Variants in CFAP47 observed in about 807,000 individuals in gnomAD.
CFAP47 encodes cilia and flagella associated protein 47, also known as cilia- and flagella-associated protein 47.
A neutral mutation model predicts 148.1 loss-of-function variants in CFAP47; 29 were observed. The ratio of observed to expected loss-of-function variants is 0.20; its 90% confidence interval spans 0.15 to 0.27. The LOEUF (loss-of-function observed/expected upper bound fraction) is 0.27. Among genes scored for constraint, CFAP47 ranks in the 10% least tolerant of loss-of-function variants. The probability of loss-of-function intolerance (pLI) is 1.00; values close to 1 mark genes in which losing one functional copy is unlikely to be tolerated. For synonymous variants in CFAP47, 664 were observed against 577.3 expected (o/e 1.15, Z -2.15); for missense variants, 1,872 against 1,697.5 (o/e 1.10, Z -1.81).
intron 42 of CFAP47, among the ~76,000 whole-genome samples, chrX:36,192,398 T>C (rs1485079124): frequency 1.8e-5 from 2 of 111,500 alleles, no homozygotes; most frequent in Non-Finnish European, 3.8e-5. Flanking sequence ...CAGACCCCTT[T>C]ACAAAGCACA....
chrX:36,348,781 T>C (rs1168884849), intron 58 of CFAP47, among the ~76,000 whole-genome samples: 1 of 111,771 alleles, frequency 8.9e-6, no homozygotes, highest in Non-Finnish European at 1.9e-5. Context: ...AGAATGCAAG[T>C]TACTTGTATC....
chrX:36,243,647 GTATATATATATATATATATATATA>G (rs58640112), intron 48 of CFAP47, among the ~76,000 whole-genome samples: 1,779 of 64,229 alleles, frequency 0.028, 50 homozygotes, highest in African/African-American at 0.07. Context: ...ATATGTGTGT[GTATATATATATATATATATATATA>G]TATATATATA....
intron 28 of CFAP47, among the ~76,000 whole-genome samples, chrX:36,072,835 A>G (rs752717097): frequency 2.7e-5 from 3 of 111,814 alleles, no homozygotes; most frequent in Non-Finnish European, 5.6e-5. Flanking sequence ...CATTTTATTA[A>G]TGTAATAAAA....
chrX:36,025,342 T>G (rs1471498855), intron 22 of CFAP47, among the ~76,000 whole-genome samples: 1 of 111,439 alleles, frequency 9.0e-6, no homozygotes, highest in African/African-American at 3.3e-5. Context: ...TTAAAGAAAT[T>G]GGCTATCTTG....
At chrX:36,374,833 C>T (rs1245813912) in intron 62 of CFAP47, 10 of 1,104,397 alleles carry the variant, frequency 9.1e-6, no homozygotes, top group South Asian at 5.5e-5. Context: ...TGTGTGTTTT[C>T]GTCTTGCTTC....
chrX:35,926,892 C>T (rs193167394), intron 2 of CFAP47, among the ~76,000 whole-genome samples: 27 of 110,502 alleles, frequency 2.4e-4, no homozygotes, highest in African/African-American at 7.9e-4. Flanking sequence ...AATCCTAGCA[C>T]GTAGCACTTT....
chrX:36,168,690 G>A (rs1429523850), intron 39 of CFAP47, among the ~76,000 whole-genome samples: 1 of 111,958 alleles, frequency 8.9e-6, no homozygotes, highest in African/African-American at 3.2e-5. Flanking sequence ...GCCTCCCTGA[G>A]AGCTGGGATT....
intron 40 of CFAP47, among the ~76,000 whole-genome samples, chrX:36,184,446 T>C (rs1939783920): frequency 1.8e-5 from 2 of 110,957 alleles, no homozygotes; most frequent in Admixed American, 1.9e-4. Flanking sequence ...GGTAACAAAG[T>C]GTTTATCATT....
rs765177546 is a variant in CFAP47 at position 35,948,460 on chromosome X, T to C, written c.656+8T>C. 8.5e-7 allele frequency: 1 copy of C among 1,174,007 alleles called. No homozygotes were observed. Among genetic ancestry groups the C allele is most frequent in the African/African-American group, 1.8e-5 (1 of 56,922 alleles). ...TGTAGATGAAGAGGCAATGTGAGTA[T>C]ATACTGTGGTTCTAAAAATTATAAT... On this transcript the variant is annotated splice_region_variant and intron_variant, in intron 4 of 63. Transcript: ENST00000378653.
At chrX:36,099,995 G>A in intron 32 of CFAP47, 116 bp downstream of exon 32, 4 of 420,021 alleles carry the variant, frequency 9.5e-6, no homozygotes, top group Non-Finnish European at 7.9e-6. Context: ...TTAAATGAGA[G>A]ATTTTTTTTT....
chrX:35,983,140 A>G (rs73197112), intron 15 of CFAP47, among the ~76,000 whole-genome samples: 2 of 111,278 alleles, frequency 1.8e-5, no homozygotes, highest in Non-Finnish European at 3.8e-5. Context: ...ACGTTTTGTA[A>G]TTCTCATTGT....
chrX:36,084,160 C>A (rs1451564731), intron 29 of CFAP47, among the ~76,000 whole-genome samples: 1 of 110,895 alleles, frequency 9.0e-6, no homozygotes, highest in African/African-American at 3.3e-5. Flanking sequence ...TGTTCCATGG[C>A]AAAATTATCA....
At chrX:35,931,727 A>G (rs1474323507) in intron 2 of CFAP47, among the ~76,000 whole-genome samples, 5 of 111,457 alleles carry the variant, frequency 4.5e-5, no homozygotes, top group African/African-American at 1.6e-4. Context: ...GGATACTTCA[A>G]TATGCATACA....
rs1416370620 is a variant in CFAP47 at position 36,361,253 on chromosome X, A to T, written c.8852-77A>T. 3 of 535,343 alleles carry T rather than the reference A, an allele frequency of 5.6e-6. No homozygotes were observed. The African/African-American group carries it at 7.2e-5, about 13-fold the overall frequency. The allele number at this position is 535,343 out of a possible 1,213,427, so 44.1% of individuals were successfully genotyped here. ...TTTCTCTAAATACCTGTGCATTGTT[A>T]GTCTTGACAGGTAATTGATATTAAA... On this transcript the variant is annotated intron_variant, in intron 60 of 63. Transcript: ENST00000378653.
intron 26 of CFAP47, among the ~76,000 whole-genome samples, chrX:36,053,420 T>C (rs1008707874): frequency 1.8e-5 from 2 of 111,773 alleles, no homozygotes; most frequent in Non-Finnish European, 3.8e-5. Flanking sequence ...TATGGTAATA[T>C]TACCTCAAAA....
chrX:36,118,682 G>T (rs958479516), intron 33 of CFAP47, among the ~76,000 whole-genome samples: 3 of 110,828 alleles, frequency 2.7e-5, no homozygotes, highest in African/African-American at 9.9e-5. Flanking sequence ...CACCGTGTTA[G>T]CCAGGATGGT....
chrX:35,930,023 A>C (rs1208905190), intron 2 of CFAP47, among the ~76,000 whole-genome samples: 2 of 108,309 alleles, frequency 1.8e-5, no homozygotes, highest in African/African-American at 6.9e-5. Context: ...ACAAACAAAC[A>C]AAAAAAAACA....
intron 51 of CFAP47, among the ~76,000 whole-genome samples, chrX:36,295,963 C>A (rs904298680): frequency 8.9e-6 from 1 of 111,835 alleles, no homozygotes; most frequent in Admixed American, 9.5e-5. Flanking sequence ...TTGAGTCTTG[C>A]TATTTTCAAA....
chrX:36,008,808 T>A (rs1456552467), intron 21 of CFAP47, among the ~76,000 whole-genome samples: 1 of 111,087 alleles, frequency 9.0e-6, no homozygotes, highest in Admixed American at 9.6e-5. Context: ...TAAATAATTT[T>A]AAAAAGCCTG....
Sources: allele counts gnomAD v4.1 joint callset (sites outside exome capture counted in the v4.1 genomes callset), GRCh38; gene constraint gnomAD v4.1.1; transcripts MANE v1.5; gene names NCBI Gene and HGNC (gene_info 2026-07-23, HGNC 2026-07-21).